The following CTCFL variants were observed in gnomAD, a reference collection of about 807,000 sequenced individuals.
CTCFL encodes CCCTC-binding factor like.
CTCFL carries 36 observed loss-of-function variants against 67.4 expected under a neutral mutation model. The ratio of observed to expected loss-of-function variants is 0.53; its 90% CI spans 0.41 to 0.71. CTCFL has a LOEUF of 0.71. Ranked by LOEUF, CTCFL falls within the 30% of genes least tolerant of loss-of-function variation. CTCFL has a pLI of 0.00. For missense variants in CTCFL, 786 were observed against 835.2 expected, an observed-to-expected ratio of 0.94 and a Z score of 0.73; for synonymous variants, 324 against 302.3, an observed-to-expected ratio of 1.07 and a Z score of -0.75.
intron 7 of CTCFL, chr20:57,513,548 T>C (rs2068700448): frequency 8.2e-6 from 9 of 1,104,166 alleles, no homozygotes; most frequent in Non-Finnish European, 1.0e-5. Context: ...GAGATGGATA[T>C]AAACCATGTT....
chr20:57,513,697 CTT>C, intron 7 of CTCFL: 1 of 1,189,776 alleles, frequency 8.4e-7, no homozygotes, highest in South Asian at 1.6e-5. Flanking sequence ...AAAGTGAAGA[CTT>C]TGTGGAACAC....
downstream of CTCFL, chr20:57,496,219 T>C (rs994319448): frequency 4.9e-6 from 3 of 614,348 alleles, no homozygotes; most frequent in African/African-American, 3.7e-5. Flanking sequence ...TTCAGAGGAG[T>C]GTGGCGCCTC....
intron 7 of CTCFL, chr20:57,513,948 C>T (rs1262683468): frequency 8.1e-7 from 1 of 1,230,230 alleles, no homozygotes; most frequent in Non-Finnish European, 1.1e-6. Context: ...GCTGGCTTCC[C>T]CACAGGCAGT....
chr20:57,509,031 C>A (rs2146334034), intron 8 of CTCFL, among the ~76,000 whole-genome samples: 1 of 152,298 alleles, frequency 6.6e-6, no homozygotes, highest in South Asian at 2.1e-4. Context: ...TGCTGGCTCT[C>A]CTGTCCTGTT....
At chr20:57,513,523 A>G (rs2068699098) in intron 7 of CTCFL, 1 of 1,067,638 alleles carries the variant, frequency 9.4e-7, no homozygotes, top group Non-Finnish European at 1.1e-6. Flanking sequence ...TGTGGAGTGT[A>G]TCACCCACTG....
intron 9 of CTCFL, among the ~76,000 whole-genome samples, chr20:57,504,273 C>T (rs1323286538): frequency 6.8e-6 from 1 of 147,162 alleles, no homozygotes; most frequent in Non-Finnish European, 1.5e-5. Flanking sequence ...ACTGCACCCG[C>T]CCCCCGTCTC....
intron 10 of CTCFL, among the ~76,000 whole-genome samples, chr20:57,502,482 T>C (rs566040429): frequency 1.3e-5 from 2 of 152,096 alleles, no homozygotes; most frequent in Non-Finnish European, 2.9e-5. Flanking sequence ...GAAAGGCAGG[T>C]GGAGGGCGAC....
chr20:57,524,565 C>T, intron 1 of CTCFL: 1 of 1,050,226 alleles, frequency 9.5e-7, no homozygotes, highest in Non-Finnish European at 1.1e-6. Context: ...AGGCCTGAGC[C>T]GGTTCAGTCA....
At chr20:57,504,750 G>GA (rs1475411962) in intron 9 of CTCFL, among the ~76,000 whole-genome samples, 1 of 151,880 alleles carries the variant, frequency 6.6e-6, no homozygotes, top group African/African-American at 2.4e-5. Flanking sequence ...GAGGCCTAGA[G>GA]GAGGTCATGC....
intron 9 of CTCFL, among the ~76,000 whole-genome samples, chr20:57,505,671 A>C (rs2146311115): frequency 6.6e-6 from 1 of 152,342 alleles, no homozygotes; most frequent in Non-Finnish European, 1.5e-5. Flanking sequence ...TAAAGATTTT[A>C]CTTTTCTGTT....
At chr20:57,515,954 C>A (rs1394242146) in intron 5 of CTCFL, 120 bp from the exon 6 acceptor site, 15 of 1,135,236 alleles carry the variant, frequency 1.3e-5, no homozygotes, top group Non-Finnish European at 1.8e-5. Context: ...AGCACCAGAG[C>A]ATATTTCACT....
intron 9 of CTCFL, among the ~76,000 whole-genome samples, chr20:57,503,840 G>A (rs1307116259): frequency 2.6e-5 from 4 of 152,056 alleles, no homozygotes; most frequent in African/African-American, 9.7e-5. Flanking sequence ...AGGCCCAGGA[G>A]GGAGGCTGAG....
At chr20:57,522,663 A>G (rs2146459546) in intron 3 of CTCFL, among the ~76,000 whole-genome samples, 1 of 151,618 alleles carries the variant, frequency 6.6e-6, no homozygotes, top group Admixed American at 6.6e-5. Context: ...CCTAAATATC[A>G]CCTCCCTTAG....
rs2068565611 is a variant in CTCFL, at chr20:57,511,623, GCTCTGTTTCC to G, written c.1491+959_1491+968del. ...TTTTTTTTTTTTGAGATGGAGTTTTGCTCTGTTTCCCAGGCTGGAGTGCAGTGGCGCGATC... is the reference window on the plus strand; with the variant it reads ...TTTTTTTTTTTTGAGATGGAGTTTTGCAGGCTGGAGTGCAGTGGCGCGATC... On this transcript the variant is annotated intron_variant, in intron 8 of 10. Coordinates refer to ENST00000243914, the MANE Select transcript of CTCFL (RefSeq NM_001386993.1). Among the ~76,000 whole-genome samples the G allele has an allele frequency of 2.3e-5, 3 of 132,388 alleles. No homozygotes were observed. In the South Asian group the frequency reaches 7.8e-4, roughly 34 times the overall value. The allele number at this position is 132,388 out of a possible 152,430, so 86.9% of individuals were successfully genotyped here.
At chr20:57,506,279 A>G (rs2068205359) in intron 9 of CTCFL, among the ~76,000 whole-genome samples, 1 of 152,162 alleles carries the variant, frequency 6.6e-6, no homozygotes, top group African/African-American at 2.4e-5. Flanking sequence ...TCTTTGGAGA[A>G]AGGTCTATTT....
At chr20:57,513,318 G>C in intron 7 of CTCFL, 1 of 986,144 alleles carries the variant, frequency 1.0e-6, no homozygotes, top group Non-Finnish European at 1.2e-6. Flanking sequence ...GGTAAGGTCT[G>C]GCTGGGTTTG....
Position 57,500,111 on chromosome 20 carries a change from T to C in CTCFL, c.1841-1410A>G, listed in dbSNP as rs2067844082. 4.5e-6 allele frequency: 4 copies of C among 880,818 alleles called. 1 individual carries two copies. The highest frequency in any genetic ancestry group is 5.2e-6 in the Non-Finnish European group (4 of 763,056). The allele number at this position is 880,818 out of a possible 1,614,324, so 54.6% of individuals were successfully genotyped here. On this transcript the variant is annotated intron_variant, in intron 10 of 10. Transcript: ENST00000243914. ...TTTTTTTTTTTTTTTTTTTGGTGGA[T>C]GGAGGGAGACAAGAAGACCCAGTTC...
chr20:57,521,897 A>C (rs1019573944), intron 3 of CTCFL, among the ~76,000 whole-genome samples: 12 of 152,212 alleles, frequency 7.9e-5, no homozygotes, highest in Non-Finnish European at 1.5e-4. Context: ...AACAAAAAGT[A>C]AATTAGTGGT....
Position 57,512,829 on chromosome 20 carries a change from G to C in CTCFL, c.1331-77C>G. The stretch of plus-strand genomic sequence containing the variant: ...CCTGCTTCCCCTCTCCTCTAAACCG[G>C]GGTTTCTCAGCCTTGGCGCTGGAAC... On this transcript the variant is annotated intron_variant, in intron 7 of 10. Coordinates refer to ENST00000243914, the MANE Select transcript of CTCFL (RefSeq NM_001386993.1). 3.5e-6 allele frequency: 5 copies of C among 1,426,618 alleles called. No homozygotes were observed. In the Admixed American group the frequency reaches 9.2e-5, roughly 26 times the overall value. 88.4% of individuals were successfully genotyped at this position (1,426,618 alleles called of 1,614,324 possible).
Sources: allele counts gnomAD v4.1 joint callset (sites outside exome capture counted in the v4.1 genomes callset), GRCh38; gene constraint gnomAD v4.1.1; transcripts MANE v1.5; gene names NCBI Gene and HGNC (gene_info 2026-07-23, HGNC 2026-07-21).